Variants in DNAH7 observed in about 807,000 individuals in gnomAD.
DNAH7 encodes the protein dynein axonemal heavy chain 7, also known as axonemal beta dynein heavy chain 7.
In DNAH7, 397 loss-of-function variants were observed where a neutral mutation model predicts 444.6. That is an observed-to-expected ratio of 0.89 (90% CI 0.82 to 0.97). DNAH7 has a LOEUF of 0.97. DNAH7 is among the 50% of genes least tolerant of loss of function. The pLI is 0.00. For missense variants in DNAH7, 4,902 were observed against 4,800.8 expected (o/e 1.02, Z -0.62); for synonymous variants, 1,636 against 1,624.4 (o/e 1.01, Z -0.17).
chr2:195,898,490 A>C (rs1686478408), intron 28 of DNAH7, among the ~76,000 whole-genome samples: 1 of 152,246 alleles, frequency 6.6e-6, no homozygotes, highest in Admixed American at 6.5e-5. Context: ...TAGTTTTCAC[A>C]GGAAAAAAAT....
rs755912873 is a variant in DNAH7, at chr2:195,766,167, A to ATTTTTTTTTTTTT, written c.11433+5480_11433+5492dup. Among the ~76,000 whole-genome samples, 41 of 57,336 alleles carry ATTTTTTTTTTTTT rather than the reference A, an allele frequency of 7.2e-4. 3 individuals are homozygous for ATTTTTTTTTTTTT. Among genetic ancestry groups the ATTTTTTTTTTTTT allele is most frequent in the South Asian group, 1.2e-3 (2 of 1,604 alleles). The allele number at this position is 57,336 out of a possible 152,430, so 37.6% of individuals were successfully genotyped here. A position where few individuals can be genotyped will look rare whatever the true frequency, so the allele number is the denominator to read the frequency against. Reference sequence around the variant, plus strand: ...GTTCTCGTTTAATTTGTGGGAGCTAATTTTTTTTTTTTTTTTTTTTTTTTG... The same window carrying ATTTTTTTTTTTTT: ...GTTCTCGTTTAATTTGTGGGAGCTAATTTTTTTTTTTTTTTTTTTTTTTTTTTTTTTTTTTTTG... On this transcript the variant is annotated intron_variant, in intron 61 of 64. Transcript: ENST00000312428.
chr2:195,838,920 A>C (rs779579341), intron 47 of DNAH7, among the ~76,000 whole-genome samples: 1 of 151,940 alleles, frequency 6.6e-6, no homozygotes, highest in Non-Finnish European at 1.5e-5. Context: ...CTAACAACAG[A>C]GCTCCAAAAT....
rs1386859335 is a variant in DNAH7 at position 195,771,769 on chromosome 2, G to T, written c.11324C>A (p.Thr3775Lys). The change falls in exon 61 of 65, where the codon ACA becomes AAA. Residue 3775 changes from threonine (T) to lysine (K), a missense_variant. Coordinates refer to ENST00000312428, the MANE Select transcript of DNAH7 (RefSeq NM_018897.3). Reference sequence around the variant, plus strand: ...AGTGTTCATGCTCTGAGTATAAGTTGTTGGGTACCTCCTCATGGCAGCCTC... The same window carrying T: ...AGTGTTCATGCTCTGAGTATAAGTTTTTGGGTACCTCCTCATGGCAGCCTC... The part of the protein sequence containing the change: ...DIEAAMRRYP[T>K]TYTQSMNTVL... 1 of 1,614,034 alleles carries T rather than the reference G, an allele frequency of 6.2e-7. No homozygotes were observed. The highest frequency in any genetic ancestry group is 1.3e-5 in the African/African-American group (1 of 74,926).
intron 8 of DNAH7, among the ~76,000 whole-genome samples, chr2:196,022,101 T>C (rs920290732): frequency 8.5e-5 from 13 of 152,068 alleles, no homozygotes; most frequent in Non-Finnish European, 1.5e-4. Context: ...CACTCCAGCC[T>C]GGGCAAGAGA....
chr2:195,738,198 A>C, intron 64 of DNAH7, 71 bp from the exon 65 acceptor site: 1 of 1,366,386 alleles, frequency 7.3e-7, no homozygotes, highest in Non-Finnish European at 1.0e-6. Flanking sequence ...TGAGCCTACT[A>C]TAGTATTCTC....
At chr2:195,888,458 ATCAAGG>A in intron 32 of DNAH7, 24 bp from the exon 33 acceptor site, 1 of 1,570,320 alleles carries the variant, frequency 6.4e-7, no homozygotes, top group East Asian at 2.3e-5. Flanking sequence ...ATTGGTTACC[ATCAAGG>A]TAATAATGCT....
At chr2:196,004,177 G>C (rs1027718888) in intron 10 of DNAH7, among the ~76,000 whole-genome samples, 7 of 152,212 alleles carry the variant, frequency 4.6e-5, no homozygotes, top group African/African-American at 1.7e-4. Flanking sequence ...GGGAGGCACT[G>C]AACTGGGGAA....
chr2:195,957,520 A>G (rs1690756872), intron 18 of DNAH7, 73 bp from the exon 19 acceptor site: 1 of 1,249,592 alleles, frequency 8.0e-7, no homozygotes, highest in Non-Finnish European at 1.1e-6. Flanking sequence ...AATTCAAACC[A>G]CAACTAGGTT....
chr2:196,027,680 C>T (rs775563515), intron 6 of DNAH7, among the ~76,000 whole-genome samples: 3 of 151,944 alleles, frequency 2.0e-5, no homozygotes, highest in Non-Finnish European at 4.4e-5. Flanking sequence ...GATAATTTCT[C>T]ATAAAAAAAT....
chr2:195,778,625 A>T (rs189767959), intron 58 of DNAH7, among the ~76,000 whole-genome samples: 4,418 of 47,552 alleles, frequency 0.093, 482 homozygotes, highest in Non-Finnish European at 0.12. Flanking sequence ...TCTGAAAAAA[A>T]AAAAAAATAA....
chr2:195,771,508 G>A, intron 61 of DNAH7, 152 bp downstream of exon 61: 1 of 632,498 alleles, frequency 1.6e-6, no homozygotes, highest in East Asian at 2.8e-5. Context: ...AATTCTATAA[G>A]CTCCTCAAGG....
chr2:195,853,191 G>T, intron 46 of DNAH7, 152 bp downstream of exon 46: 1 of 619,918 alleles, frequency 1.6e-6, no homozygotes, highest in Non-Finnish European at 2.5e-6. Flanking sequence ...CTAATTTACA[G>T]AATAATTAAA....
intron 24 of DNAH7, among the ~76,000 whole-genome samples, chr2:195,918,359 T>C (rs1687813823): frequency 6.6e-6 from 1 of 152,210 alleles, no homozygotes; most frequent in Admixed American, 6.5e-5. Flanking sequence ...TGGGAAACAA[T>C]CTAGCAGTTT....
At chr2:196,010,976 A>C (rs1034242435) in intron 10 of DNAH7, among the ~76,000 whole-genome samples, 6 of 152,170 alleles carry the variant, frequency 3.9e-5, no homozygotes, top group Non-Finnish European at 8.8e-5. Flanking sequence ...GGTTGTAAGT[A>C]GAATGGCGGT....
intron 41 of DNAH7, among the ~76,000 whole-genome samples, chr2:195,863,221 T>C (rs981351840): frequency 6.6e-6 from 1 of 152,238 alleles, no homozygotes; most frequent in Admixed American, 6.5e-5. Flanking sequence ...ATTCAATAAA[T>C]GTTTTGCATG....
intron 12 of DNAH7, among the ~76,000 whole-genome samples, chr2:195,996,579 C>A (rs1224981151): frequency 1.3e-5 from 2 of 152,234 alleles, no homozygotes; most frequent in South Asian, 4.1e-4. Context: ...GTGCCCACCA[C>A]CATGCCCGGC....
intron 48 of DNAH7, among the ~76,000 whole-genome samples, chr2:195,828,006 TG>T (rs1351051617): frequency 6.6e-6 from 1 of 152,256 alleles, no homozygotes; most frequent in African/African-American, 2.4e-5. Flanking sequence ...CCAATCATCC[TG>T]CTTTAGGCAT....
chr2:195,801,374 T>G (rs958846711), intron 54 of DNAH7, among the ~76,000 whole-genome samples: 10 of 152,146 alleles, frequency 6.6e-5, no homozygotes, highest in Non-Finnish European at 1.5e-5. Context: ...AATGAATAGA[T>G]TCCCCCTTCA....
chr2:195,832,009 A>G (rs780376542), intron 48 of DNAH7, among the ~76,000 whole-genome samples: 7 of 152,240 alleles, frequency 4.6e-5, no homozygotes, highest in Non-Finnish European at 1.0e-4. Context: ...TCAAAGTAGG[A>G]AATACATTTT....
Sources: gnomAD v4.1 joint callset for allele counts (sites outside exome capture counted in the v4.1 genomes callset) on GRCh38, gnomAD v4.1.1 for gene constraint, MANE v1.5 for transcripts, NCBI Gene and HGNC (gene_info 2026-07-23, HGNC 2026-07-21) for gene names.